The following PNISR variants were observed in gnomAD, a reference collection of about 807,000 sequenced individuals.
The protein encoded by PNISR is arginine/serine-rich protein PNISR.
In PNISR, 20 loss-of-function variants were observed where a neutral mutation model predicts 93.4. That is an observed-to-expected ratio of 0.21 (90% confidence interval 0.15 to 0.31). The LOEUF is 0.31. PNISR is among the 10% of genes least tolerant of loss of function. The pLI is 1.00. For missense variants in PNISR, 893 were observed against 985.4 expected, an observed-to-expected ratio of 0.91 and a Z score of 1.25; for synonymous variants, 305 against 306.5, an observed-to-expected ratio of 0.99 and a Z score of 0.05.
At chr6:99,414,931 T>C (rs1344450823) in intron 2 of PNISR, 1 of 228,300 alleles carries the variant, frequency 4.4e-6, no homozygotes, top group Non-Finnish European at 8.4e-6. Flanking sequence ...AAAAAGACTT[T>C]AAAAAAAACT....
Position 99,406,129 on chromosome 6 carries a change from C to T in PNISR, c.904G>A (p.Ala302Thr), listed in dbSNP as rs1776134144. 6 of 1,610,412 alleles carry T rather than the reference C, an allele frequency of 3.7e-6. No homozygotes were observed. Among genetic ancestry groups the T allele is most frequent in the Non-Finnish European group, 5.1e-6 (6 of 1,176,784 alleles). The change falls in exon 8 of 12, where the codon GCT (alanine) becomes ACT (threonine). Residue 302 changes from alanine to threonine, a missense_variant. Physicochemically the swap from Ala to Thr is moderately conservative, Grantham distance 58 (BLOSUM62 0). Transcript: ENST00000369239. ...CTGGTGACTTTCCCACTACTTGCAG[C>T]CTCAACATTTTCAGTGTCTTCTTCT... ...EEEEDTENVEAASSGKVTRSP... is the reference protein window; with the variant it reads ...EEEEDTENVETASSGKVTRSP...
chr6:99,423,009 C>A (rs144978360), intron 1 of PNISR, among the ~76,000 whole-genome samples: 1 of 151,690 alleles, frequency 6.6e-6, no homozygotes, highest in Non-Finnish European at 1.5e-5. Flanking sequence ...CACCTAGGCA[C>A]GAGAACTTGG....
Position 99,402,431 on chromosome 6 carries a change from A to C in PNISR, c.1327+109T>G, listed in dbSNP as rs188860707. On this transcript the variant is annotated intron_variant, in intron 11 of 11. Transcript: ENST00000369239. ...GACTTTAGTTTCAGTTATATCACAT[A>C]TTATTTATAATATAGCCTTTATTTT... 2.7e-5 allele frequency: 22 copies of C among 817,538 alleles called. 1 individual carries two copies. In the Admixed American group the frequency reaches 6.7e-4, roughly 25 times the overall value. 50.6% of individuals were successfully genotyped at this position (817,538 alleles called of 1,614,324 possible). A position where few individuals can be genotyped will look rare whatever the true frequency, so the allele number is the denominator to read the frequency against.
At chr6:99,405,919 T>A in intron 8 of PNISR, 112 bp downstream of exon 8, 1 of 607,872 alleles carries the variant, frequency 1.6e-6, no homozygotes, top group Non-Finnish European at 2.8e-6. Context: ...ATCTCTTCAA[T>A]TAATAATACT....
chr6:99,416,265 G>GT (rs1777682019), intron 2 of PNISR, 84 bp downstream of exon 2: 1 of 445,538 alleles, frequency 2.2e-6, no homozygotes, highest in Non-Finnish European at 3.7e-6. Context: ...CCCTTGAAAA[G>GT]TAACTTCGCT....
In PNISR at chr6:99,412,610, C is replaced by A. The variant is rs1777090726; in HGVS notation, c.218G>T (p.Gly73Val). 6.2e-7 allele frequency: 1 copy of A among 1,611,146 alleles called. No individual in the cohort carries two copies. Among genetic ancestry groups the A allele is most frequent in the Admixed American group, 1.7e-5 (1 of 59,384 alleles). Residue 73 changes from glycine (G) to valine (V), a missense_variant, in exon 4 of 12, where the codon GGT becomes GTT. Transcript: ENST00000369239. ...NGQDMSTMES[G>V]PNNHGNFQGD... ...TTGGAAATTCCCATGATTGTTTGGA[C>A]CAGATTCCATTGTAGACATATCTTG...
At chr6:99,418,570 A>G (rs899192254) in intron 1 of PNISR, among the ~76,000 whole-genome samples, 1 of 152,004 alleles carries the variant, frequency 6.6e-6, no homozygotes, top group Non-Finnish European at 1.5e-5. Flanking sequence ...TACTTTTGCT[A>G]TATTTTTAGA....
At chr6:99,408,993 A>C (rs746187061) in intron 6 of PNISR, among the ~76,000 whole-genome samples, 180 bp downstream of exon 6, 5 of 152,166 alleles carry the variant, frequency 3.3e-5, no homozygotes, top group Non-Finnish European at 5.9e-5. Context: ...AATTATTTAA[A>C]CCTTTTAATT....
chr6:99,422,935 C>G (rs571672818), intron 1 of PNISR, among the ~76,000 whole-genome samples: 2 of 149,458 alleles, frequency 1.3e-5, no homozygotes, highest in South Asian at 2.1e-4. Flanking sequence ...AATACCCCCC[C>G]AATAATAATT....
intron 2 of PNISR, 38 bp from the exon 3 acceptor site, chr6:99,414,728 G>A (rs1339418438): frequency 1.1e-6 from 1 of 886,352 alleles, no homozygotes; most frequent in African/African-American, 1.7e-5. Context: ...ATTATAGTGA[G>A]TTATTTAATC....
At chr6:99,413,446 GATCC>G (rs201303906) in intron 3 of PNISR, among the ~76,000 whole-genome samples, 15 of 149,480 alleles carry the variant, frequency 1.0e-4, no homozygotes, top group Admixed American at 9.4e-4. Context: ...ATTCATCCAT[GATCC>G]ATCCATCCAT....
chr6:99,401,332 A>T lies in PNISR; in HGVS notation c.1626T>A (p.Ser542Arg). The T allele has an allele frequency of 1.2e-6, 2 of 1,614,078 alleles. No individual in the cohort carries two copies. The highest frequency in any genetic ancestry group is 1.7e-6 in the Non-Finnish European group (2 of 1,179,958). ...SSSSYSSSSG[S>R]SRTSSRSSSP... Reference sequence around the variant, plus strand: ...AAGAAGACCGAGAAGAAGTACGACTACTACCTGAGCTAGAACTGTATGAAG... The same window carrying T: ...AAGAAGACCGAGAAGAAGTACGACTTCTACCTGAGCTAGAACTGTATGAAG... The change falls in exon 12 of 12, where the codon AGT (serine) becomes AGA (arginine). Residue 542 changes from serine (S) to arginine (R), a missense_variant. Physicochemically the swap from Ser to Arg is moderately radical, Grantham distance 110. Transcript: ENST00000369239.
intron 7 of PNISR, 81 bp downstream of exon 7, chr6:99,408,000 T>C: frequency 1.0e-6 from 1 of 1,001,672 alleles, no homozygotes; most frequent in Middle Eastern, 2.5e-4. Flanking sequence ...TACTTTCCTA[T>C]AGGCTAAAAT....
At chr6:99,420,818 A>C (rs956672288) in intron 1 of PNISR, among the ~76,000 whole-genome samples, 1 of 152,244 alleles carries the variant, frequency 6.6e-6, no homozygotes, top group Non-Finnish European at 1.5e-5. Context: ...GACATACAAT[A>C]ATACTTTTTA....
chr6:99,411,993 G>A (rs1169301625), intron 4 of PNISR: 1 of 263,638 alleles, frequency 3.8e-6, no homozygotes. Context: ...CACAAGCCAT[G>A]GAAGACTGAA....
intron 2 of PNISR, 200 bp from the exon 3 acceptor site, chr6:99,414,890 G>A (rs553413770): frequency 4.5e-5 from 15 of 333,750 alleles, no homozygotes; most frequent in African/African-American, 3.2e-4. Context: ...TCAGAATTTG[G>A]TGGCAAGCAT....
intron 10 of PNISR, 141 bp downstream of exon 10, chr6:99,403,688 T>A (rs1775801485): frequency 2.0e-6 from 1 of 505,964 alleles, no homozygotes; most frequent in African/African-American, 1.9e-5. Flanking sequence ...CAAACCTTTT[T>A]AGACAGGATG....
At chr6:99,403,996 A>G in intron 9 of PNISR, 114 bp from the exon 10 acceptor site, 1 of 675,028 alleles carries the variant, frequency 1.5e-6, no homozygotes. Flanking sequence ...TTGGGGAGAG[A>G]AGAAACATTA....
chr6:99,414,269 C>T (rs933278282), intron 3 of PNISR, among the ~76,000 whole-genome samples: 5 of 152,192 alleles, frequency 3.3e-5, no homozygotes, highest in Admixed American at 3.3e-4. Flanking sequence ...TCAGAATTCA[C>T]AGAAGTGTTC....
Sources: allele counts gnomAD v4.1 joint callset (sites outside exome capture counted in the v4.1 genomes callset), GRCh38; gene constraint gnomAD v4.1.1; transcripts MANE v1.5; gene names NCBI Gene and HGNC (gene_info 2026-07-23, HGNC 2026-07-21).